CMC2: variants seen among roughly 807,000 people sequenced by gnomAD.
CMC2 encodes the protein COX assembly mitochondrial protein 2 homolog.
A neutral mutation model predicts 7.5 loss-of-function variants in CMC2; 5 were observed. The ratio of observed to expected loss-of-function variants is 0.66; its 90% CI spans 0.35 to 1.40. The LOEUF (loss-of-function observed/expected upper bound fraction) is 1.40. Ranked by LOEUF, CMC2 falls within the 40% of genes most tolerant of loss-of-function variation. CMC2 has a pLI of 0.04. For missense variants in CMC2, 115 were observed against 92.3 expected (o/e 1.25, Z -1.01); for synonymous variants, 37 against 31.4 (o/e 1.18, Z -0.60).
intron 1 of CMC2, 48 bp from the exon 2 acceptor site, chr16:80,997,477 C>A (rs1327066770): frequency 6.2e-6 from 6 of 973,008 alleles, no homozygotes; most frequent in Non-Finnish European, 3.3e-6. Context: ...ATTTGTTACG[C>A]CACCTAAAAG....
chr16:80,974,387 C>A lies in CMC2; in HGVS notation c.*1706G>T, dbSNP rs1912131681. ...ATACAAATTGAAATATATCAGCCTT[C>A]CAACTAACTCCTCTACCCAAATCCC... On this transcript the variant is annotated 3_prime_UTR_variant, in exon 4 of 4. Transcript: ENST00000219400. The A allele has an allele frequency of 6.6e-6, 1 of 152,190 alleles. No homozygotes were observed. The highest frequency in any genetic ancestry group is 1.5e-5 in the Non-Finnish European group (1 of 68,036). The allele number at this position is 152,190 out of a possible 1,614,324, so 9.4% of individuals were successfully genotyped here.
chr16:80,982,507 G>A (rs1431786953), intron 2 of CMC2: 3 of 95,136 alleles, frequency 3.2e-5, no homozygotes, highest in Non-Finnish European at 5.7e-5. Context: ...GTGAAACTCC[G>A]TCTCAGGAAA....
intron 1 of CMC2, 98 bp downstream of exon 1, chr16:81,006,636 C>A: frequency 2.2e-6 from 2 of 903,846 alleles, no homozygotes; most frequent in Non-Finnish European, 2.6e-6. Context: ...CTCCTGGGGC[C>A]GACGGGCGGC....
chr16:80,976,763 C>T (rs1217488943), intron 3 of CMC2, among the ~76,000 whole-genome samples: 2 of 152,186 alleles, frequency 1.3e-5, no homozygotes, highest in Non-Finnish European at 2.9e-5. Context: ...TTGTCAACTA[C>T]CACCTTTTAT....
chr16:80,980,664 A>G (rs1368828229), intron 3 of CMC2: 4 of 504,482 alleles, frequency 7.9e-6, no homozygotes, highest in African/African-American at 6.0e-5. Flanking sequence ...CCAAGGTGGG[A>G]GGACTGCTTG....
intron 2 of CMC2, among the ~76,000 whole-genome samples, chr16:80,986,194 C>T (rs1372971421): frequency 1.3e-5 from 2 of 152,000 alleles, no homozygotes; most frequent in African/African-American, 2.4e-5. Flanking sequence ...ACTAAAAATA[C>T]AAAAATTAGC....
rs1290088000 is a variant in CMC2 at position 80,971,571 on chromosome 16, TATATATATATATATGTATGAAATCATGC to T, written c.*4494_*4521del. The stretch of plus-strand genomic sequence containing the variant: ...TACTGACATACATACATTTTATATA[TATATATATATATATGTATGAAATCATGC>T]ATATATATATATGTATGAAATCATG... On this transcript the variant is annotated 3_prime_UTR_variant, in exon 4 of 4. Coordinates refer to ENST00000219400, the MANE Select transcript of CMC2 (RefSeq NM_020188.5). 5.0e-5 allele frequency: 7 copies of T among 140,162 alleles called. No homozygotes were observed. Among genetic ancestry groups the T allele is most frequent in the African/African-American group, 2.0e-4 (7 of 35,342 alleles). The allele number at this position is 140,162 out of a possible 1,614,324, so 8.7% of individuals were successfully genotyped here.
At chr16:80,988,015 G>GAA (rs1479318550) in intron 2 of CMC2, among the ~76,000 whole-genome samples, 2 of 140,794 alleles carry the variant, frequency 1.4e-5, no homozygotes, top group East Asian at 2.0e-4. Context: ...TCTCTAGGAG[G>GAA]AAAAAAAAAA....
At chr16:80,978,452 A>C in intron 3 of CMC2, 1 of 1,087,156 alleles carries the variant, frequency 9.2e-7, no homozygotes, top group Non-Finnish European at 1.2e-6. Flanking sequence ...ATATGAAGTT[A>C]CTCACAAAAC....
chr16:80,981,381 T>C lies in CMC2; in HGVS notation c.153+425A>G, dbSNP rs192562383. Among the ~76,000 whole-genome samples the C allele has an allele frequency of 1.9e-4, 29 of 151,582 alleles. No individual in the cohort carries two copies. The East Asian group carries it at 4.2e-3, about 22-fold the overall frequency. On this transcript the variant is annotated intron_variant, in intron 3 of 3. Transcript: ENST00000219400. Reference sequence around the variant, plus strand: ...CCCTGTGGCTTACACAAACCATAACTACAAAGAAATTCAAAATGTTAAAGC... The same window carrying C: ...CCCTGTGGCTTACACAAACCATAACCACAAAGAAATTCAAAATGTTAAAGC...
intron 1 of CMC2, among the ~76,000 whole-genome samples, chr16:81,001,030 T>A (rs769743413): frequency 2.0e-5 from 3 of 152,146 alleles, no homozygotes; most frequent in Admixed American, 6.5e-5. Flanking sequence ...AAGGACGAAA[T>A]TATGTCCTTT....
At position 80,972,220 on chromosome 16, in the gene CMC2, G is replaced by A. The variant is rs1911980868; in HGVS notation, c.*3873C>T. 6.6e-6 allele frequency: 1 copy of A among 152,198 alleles called. No individual in the cohort carries two copies. The highest frequency in any genetic ancestry group is 1.9e-4 in the East Asian group (1 of 5,196). The allele number at this position is 152,198 out of a possible 1,614,324, so 9.4% of individuals were successfully genotyped here. The stretch of plus-strand genomic sequence containing the variant: ...CAGTGACCTCTCTAGAGGAGGCAGG[G>A]ATGTCTATGGATTAAGGTAGATTCT... On this transcript the variant is annotated 3_prime_UTR_variant, in exon 4 of 4. Transcript: ENST00000219400.
At chr16:80,977,267 T>A (rs1912505612) in intron 3 of CMC2, among the ~76,000 whole-genome samples, 2 of 152,134 alleles carry the variant, frequency 1.3e-5, no homozygotes, top group South Asian at 4.1e-4. Context: ...GGCCAGCAGG[T>A]TACAACAGGA....
chr16:80,990,367 G>T (rs1967884381), intron 2 of CMC2, among the ~76,000 whole-genome samples: 1 of 152,066 alleles, frequency 6.6e-6, no homozygotes, highest in Non-Finnish European at 1.5e-5. Context: ...ATGAAGTTTT[G>T]TGATGTTGGC....
At chr16:80,978,343 G>A (rs1478773444) in intron 3 of CMC2, 1 of 1,265,962 alleles carries the variant, frequency 7.9e-7, no homozygotes, top group South Asian at 1.3e-5. Flanking sequence ...AATAAAATAA[G>A]TTACAAAGCA....
chr16:81,003,073 T>C (rs371942520), intron 1 of CMC2, among the ~76,000 whole-genome samples: 43 of 152,320 alleles, frequency 2.8e-4, no homozygotes, highest in East Asian at 2.1e-3. Flanking sequence ...CTCACTTCCA[T>C]CCACTTTGTG....
At position 80,988,912 on chromosome 16, in the gene CMC2, C is replaced by T. The variant is rs749323974; in HGVS notation, c.82-7035G>A. On this transcript the variant is annotated intron_variant, in intron 2 of 3. Transcript: ENST00000219400. ...ACCTTAACATTTTAAAGAGTACAGGCCAGTTATTTTGCAAAATGCTCCCCC... is the reference window on the plus strand; with the variant it reads ...ACCTTAACATTTTAAAGAGTACAGGTCAGTTATTTTGCAAAATGCTCCCCC... 1.7e-4 allele frequency among the ~76,000 whole-genome samples: 26 copies of T among 151,984 alleles called. 1 individual carries two copies. The highest frequency in any genetic ancestry group is 4.4e-5 in the Non-Finnish European group (3 of 68,014).
chr16:80,976,293 G>A, intron 3 of CMC2, 114 bp from the exon 4 acceptor site: 2 of 598,072 alleles, frequency 3.3e-6, no homozygotes, highest in Non-Finnish European at 5.8e-6. Flanking sequence ...GGTTAACAGG[G>A]TTTAAATTTT....
rs1912312946 is a variant in CMC2 at position 80,976,174 on chromosome 16, T to A, written c.159A>T (p.Val53=). 4 of 1,580,584 alleles carry A rather than the reference T, an allele frequency of 2.5e-6. No individual in the cohort carries two copies. Among genetic ancestry groups the A allele is most frequent in the African/African-American group, 2.7e-5 (2 of 73,362 alleles). Residue 53 remains valine (V), a synonymous_variant, in exon 4 of 4, where the codon GTA becomes GTT. Coordinates refer to ENST00000219400, the MANE Select transcript of CMC2 (RefSeq NM_020188.5). The part of the protein sequence containing the change: ...ELRKCLKNEY[V]ENRTKSREHG... Reference sequence around the variant, plus strand: ...GCTCCCTGCTCTTGGTCCTGTTTTCTACGTACTGAAAAATAAAAGAAGGGG... The same window carrying A: ...GCTCCCTGCTCTTGGTCCTGTTTTCAACGTACTGAAAAATAAAAGAAGGGG...
Sources: gnomAD v4.1 joint callset for allele counts (sites outside exome capture counted in the v4.1 genomes callset) on GRCh38, gnomAD v4.1.1 for gene constraint, MANE v1.5 for transcripts, NCBI Gene and HGNC (gene_info 2026-07-23, HGNC 2026-07-21) for gene names.